ILDR1: variants seen among roughly 807,000 people sequenced by gnomAD.
ILDR1 encodes immunoglobulin like domain containing receptor 1.
A neutral mutation model predicts 62.4 loss-of-function variants in ILDR1; 56 were observed. The observed-to-expected ratio is 0.90, with a 90% CI of 0.72 to 1.12. The LOEUF (loss-of-function observed/expected upper bound fraction) is 1.12, where lower values mean the gene tolerates loss of function less well. Among genes scored for constraint, ILDR1 ranks in the 50% most tolerant of loss-of-function variants. The probability of loss-of-function intolerance (pLI) is 0.00; values close to 1 mark genes in which losing one functional copy is unlikely to be tolerated. For synonymous variants in ILDR1, 284 were observed against 277.8 expected, an observed-to-expected ratio of 1.02 and a Z score of -0.22; for missense variants, 736 against 710.6, an observed-to-expected ratio of 1.04 and a Z score of -0.41.
At chr3:122,021,946 G>C in intron 1 of ILDR1, 74 bp downstream of exon 1, 1 of 1,444,970 alleles carries the variant, frequency 6.9e-7, no homozygotes, top group Non-Finnish European at 9.5e-7. Flanking sequence ...CCCGCGGCCA[G>C]CTCTGCAAGG....
chr3:122,031,360 C>A, the ILDR1 span, among the ~76,000 whole-genome samples: 1 of 152,198 alleles, frequency 6.6e-6, no homozygotes, highest in African/African-American at 2.4e-5. Context: ...ACCAAATGAT[C>A]CAGAAGTTCT....
intron 1 of ILDR1, among the ~76,000 whole-genome samples, chr3:122,010,407 GA>G (rs200277515): frequency 1.3e-5 from 2 of 151,250 alleles, no homozygotes; most frequent in Admixed American, 1.3e-4. Context: ...AGCTGTAAAT[GA>G]AAAAAAAATA....
chr3:122,059,731 C>G, the ILDR1 span, among the ~76,000 whole-genome samples: 1 of 152,014 alleles, frequency 6.6e-6, no homozygotes, highest in Admixed American at 6.5e-5. Flanking sequence ...AATCCTAACT[C>G]CCAGGGCTTC....
chr3:122,058,313 G>C, the ILDR1 span, among the ~76,000 whole-genome samples: 4 of 152,296 alleles, frequency 2.6e-5, no homozygotes, highest in South Asian at 8.3e-4. Flanking sequence ...TCTAAAACAA[G>C]CAGTACCCAG....
chr3:122,022,411 T>G (rs955804626), upstream of ILDR1, among the ~76,000 whole-genome samples: 8 of 152,216 alleles, frequency 5.3e-5, no homozygotes, highest in Admixed American at 3.9e-4. Context: ...ACGGAGAAGA[T>G]TCCCACTTTC....
chr3:122,059,080 C>T, the ILDR1 span, among the ~76,000 whole-genome samples: 1 of 152,174 alleles, frequency 6.6e-6, no homozygotes, highest in Admixed American at 6.5e-5. Context: ...CCTTCTCTAA[C>T]ATGTTGAGTT....
intron 1 of ILDR1, among the ~76,000 whole-genome samples, chr3:122,019,229 C>G (rs1232844511): frequency 6.6e-6 from 1 of 152,056 alleles, no homozygotes; most frequent in Non-Finnish European, 1.5e-5. Context: ...TTTTAAGGAG[C>G]AGATATTCAC....
intron 5 of ILDR1, among the ~76,000 whole-genome samples, chr3:121,999,302 A>C (rs2071482738): frequency 6.6e-6 from 1 of 152,202 alleles, no homozygotes; most frequent in South Asian, 2.1e-4. Flanking sequence ...ATTTCCTACA[A>C]TATAGTACTT....
chr3:122,039,881 C>G, the ILDR1 span, among the ~76,000 whole-genome samples: 34 of 151,960 alleles, frequency 2.2e-4, no homozygotes, highest in Admixed American at 1.7e-3. Context: ...AATTTACTGA[C>G]AAGTTCTTAA....
Position 121,993,380 on chromosome 3 carries a change from G to A in ILDR1, c.1369C>T (p.Gln457Ter). Residue 457 changes from glutamine to a stop codon, truncating the protein, a stop_gained, in exon 7 of 8, where the codon CAG (glutamine) becomes TAG (stop). Coordinates refer to ENST00000344209, the MANE Select transcript of ILDR1 (RefSeq NM_001199799.2). LOFTEE classifies it high-confidence loss of function. ...TGCCTGCGTCGTCTCCCGTGCCTCT[G>A]AGTGCTCTCCCGGGGGCTGGGCCTG... is the stretch of plus-strand genomic sequence containing the variant. ...PRRPSPRESTQRHGRRRRHRS... is the reference protein window; with the variant it reads ...PRRPSPREST The A allele has an allele frequency of 2.5e-6, 4 of 1,611,902 alleles. No homozygotes were observed. Among genetic ancestry groups the A allele is most frequent in the Non-Finnish European group, 3.4e-6 (4 of 1,178,316 alleles).
chr3:122,042,813 T>A, the ILDR1 span, among the ~76,000 whole-genome samples: 1 of 152,318 alleles, frequency 6.6e-6, no homozygotes, highest in East Asian at 1.9e-4. Context: ...TTCTGGATAT[T>A]AGCCCTTTGT....
the ILDR1 span, among the ~76,000 whole-genome samples, chr3:122,034,637 T>G: frequency 6.6e-6 from 1 of 152,170 alleles, no homozygotes; most frequent in East Asian, 1.9e-4. Context: ...TCGCAGGTTT[T>G]TTGTTGTTGT....
chr3:121,993,262 CGGTGGGCCCGCCAG>C lies in ILDR1; in HGVS notation c.1473_1486del (p.Ser491ArgfsTer16). The C allele has an allele frequency of 6.2e-7, 1 of 1,613,494 alleles. No homozygotes were observed. Among genetic ancestry groups the C allele is most frequent in the Non-Finnish European group, 8.5e-7 (1 of 1,179,732 alleles). On this transcript the variant is annotated frameshift_variant, in exon 7 of 8. Coordinates refer to ENST00000344209, the MANE Select transcript of ILDR1 (RefSeq NM_001199799.2). LOFTEE classifies it high-confidence loss of function. The stretch of plus-strand genomic sequence containing the variant: ...CCAGTGTGGGGAGTGCGAGCCGCGG[CGGTGGGCCCGCCAG>C]CTCTGGGGCTGCCTCTCCTTGTCCT...
the ILDR1 span, among the ~76,000 whole-genome samples, chr3:122,037,267 C>T: frequency 6.6e-6 from 1 of 152,196 alleles, no homozygotes; most frequent in African/African-American, 2.4e-5. Context: ...CAACAGCTCA[C>T]ACCGTGTACC....
At chr3:122,024,828 A>G (rs766136057), upstream of ILDR1, among the ~76,000 whole-genome samples, 10 of 152,332 alleles carry the variant, frequency 6.6e-5, no homozygotes, top group Middle Eastern at 3.4e-3. Context: ...CTTAGCTGAA[A>G]CACTATAGAC....
the ILDR1 span, among the ~76,000 whole-genome samples, chr3:122,033,060 C>T: frequency 3.3e-5 from 5 of 152,188 alleles, no homozygotes; most frequent in Non-Finnish European, 5.9e-5. Context: ...TGCATATGTT[C>T]AAACTTAGTA....
rs575765243 is a variant in ILDR1, at chr3:122,017,365, T to C, written c.58+4655A>G. On this transcript the variant is annotated intron_variant, in intron 1 of 7. Coordinates refer to ENST00000344209, the MANE Select transcript of ILDR1 (RefSeq NM_001199799.2). ...TGCCCGGCCAGAGTCTTCTCAATTC[T>C]TAAAACACACAATTTTATTTTCCAC... Among the ~76,000 whole-genome samples the C allele has an allele frequency of 1.2e-4, 19 of 152,330 alleles. No individual in the cohort carries two copies. The South Asian group carries it at 3.9e-3, about 32-fold the overall frequency.
At chr3:122,009,964 G>A (rs1408659212) in intron 1 of ILDR1, among the ~76,000 whole-genome samples, 3 of 152,254 alleles carry the variant, frequency 2.0e-5, no homozygotes, top group Admixed American at 6.5e-5. Context: ...CCCCATGGCA[G>A]ATGTGCTGGA....
In ILDR1 at chr3:122,005,289, C is replaced by A. The variant is rs765296361; in HGVS notation, c.334G>T (p.Val112Leu). The change falls in exon 3 of 8, where the codon GTG becomes TTG. Residue 112 changes from valine to leucine, a missense_variant. By Grantham distance (32) the Val-to-Leu change is conservative. Coordinates refer to ENST00000344209, the MANE Select transcript of ILDR1 (RefSeq NM_001199799.2). ...VAQRRGQNEPVLGVDYRQRKI... is the reference protein window; with the variant it reads ...VAQRRGQNEPLLGVDYRQRKI... ...CGCTGCCGGTAATCTACCCCCAGCA[C>A]GGGCTCATTCTGCCCCCGCCGCTGG... The A allele has an allele frequency of 2.5e-6, 4 of 1,613,610 alleles. No homozygotes were observed. In the Admixed American group the frequency reaches 6.7e-5, roughly 27 times the overall value.
Sources: gnomAD v4.1 joint callset for allele counts (sites outside exome capture counted in the v4.1 genomes callset) on GRCh38, gnomAD v4.1.1 for gene constraint, MANE v1.5 for transcripts, NCBI Gene and HGNC (gene_info 2026-07-23, HGNC 2026-07-21) for gene names.